Variants in DNAJC3 observed in about 807,000 individuals in gnomAD.
The protein encoded by DNAJC3 is DnaJ heat shock protein family (Hsp40) member C3, also known as dnaJ homolog subfamily C member 3.
In DNAJC3, 38 loss-of-function variants were observed where a neutral mutation model predicts 68.6. That is an observed-to-expected ratio of 0.55 (90% CI 0.43 to 0.73). DNAJC3 has a LOEUF of 0.73. Ranked by LOEUF, DNAJC3 falls within the 30% of genes least tolerant of loss-of-function variation. The pLI is 0.00. For missense variants in DNAJC3, 526 were observed against 591.9 expected (o/e 0.89, Z 1.16); for synonymous variants, 203 against 204.0 (o/e 1.00, Z 0.04).
intron 4 of DNAJC3, chr13:95,742,587 T>C (rs1185790097): frequency 2.1e-6 from 1 of 474,882 alleles, no homozygotes; most frequent in Non-Finnish European, 4.2e-6. Flanking sequence ...TGGGCTCTTA[T>C]CCCAGCCAAG....
chr13:95,715,562 A>G (rs1286257833), intron 2 of DNAJC3, among the ~76,000 whole-genome samples: 2 of 150,796 alleles, frequency 1.3e-5, no homozygotes, highest in African/African-American at 4.9e-5. Context: ...GCTCACTGCA[A>G]CCTCTGCCTC....
intron 2 of DNAJC3, among the ~76,000 whole-genome samples, chr13:95,718,841 C>T (rs1202783060): frequency 6.6e-6 from 1 of 152,180 alleles, no homozygotes; most frequent in Non-Finnish European, 1.5e-5. Flanking sequence ...GGGAATTTCT[C>T]TCCACCAAGT....
intron 1 of DNAJC3, among the ~76,000 whole-genome samples, chr13:95,696,080 A>C (rs1239265343): frequency 6.6e-6 from 1 of 152,220 alleles, no homozygotes; most frequent in Non-Finnish European, 1.5e-5. Context: ...ATGTACTAAC[A>C]ATCCCTTAAT....
chr13:95,718,942 C>G (rs953141514), intron 2 of DNAJC3, among the ~76,000 whole-genome samples: 1 of 152,118 alleles, frequency 6.6e-6, no homozygotes. Flanking sequence ...CCTAAGATCC[C>G]ACAGATTGAG....
At chr13:95,718,424 C>T (rs143949816) in intron 2 of DNAJC3, among the ~76,000 whole-genome samples, 15 of 152,320 alleles carry the variant, frequency 9.8e-5, no homozygotes, top group African/African-American at 3.6e-4. Flanking sequence ...AAAATTGAGA[C>T]GGAGTCTCGC....
chr13:95,756,793 C>T (rs1594009006), intron 4 of DNAJC3, among the ~76,000 whole-genome samples: 1 of 152,168 alleles, frequency 6.6e-6, no homozygotes, highest in Admixed American at 6.5e-5. Context: ...AAAAATGTAG[C>T]TACCTGGTTT....
chr13:95,752,299 A>G (rs983746384), intron 4 of DNAJC3, among the ~76,000 whole-genome samples: 1 of 152,236 alleles, frequency 6.6e-6, no homozygotes, highest in Non-Finnish European at 1.5e-5. Context: ...TAACTTAATG[A>G]AAAGTTACTA....
At chr13:95,719,953 G>C (rs1305165748) in intron 2 of DNAJC3, among the ~76,000 whole-genome samples, 1 of 151,954 alleles carries the variant, frequency 6.6e-6, no homozygotes, top group African/African-American at 2.4e-5. Flanking sequence ...TTGTTTTACT[G>C]TACTTTTTAG....
rs751686824 is a variant in DNAJC3, at chr13:95,760,706, C to A, written c.756C>A (p.Asp252Glu). Reference sequence around the variant, plus strand: ...AAGTTCGGGAATGTCTTAAACTTGACCAGGATCATAAAAGGTGTTTTGCAC... The same window carrying A: ...AAGTTCGGGAATGTCTTAAACTTGAACAGGATCATAAAAGGTGTTTTGCAC... ...LSEVRECLKL[D>E]QDHKRCFAHY... Residue 252 changes from aspartate to glutamate, a missense_variant, in exon 7 of 12, where the codon GAC becomes GAA. By Grantham distance (45) the Asp-to-Glu change is conservative (BLOSUM62 2). Transcript: ENST00000602402. 8.7e-6 allele frequency: 14 copies of A among 1,610,938 alleles called. No individual in the cohort carries two copies. Among genetic ancestry groups the A allele is most frequent in the Non-Finnish European group, 9.3e-6 (11 of 1,178,718 alleles).
intron 4 of DNAJC3, among the ~76,000 whole-genome samples, chr13:95,734,509 G>C (rs1881824909): frequency 6.6e-6 from 1 of 152,082 alleles, no homozygotes; most frequent in South Asian, 2.1e-4. Context: ...AGTCCTTTTT[G>C]AACTGTATCT....
chr13:95,760,553 A>G (rs1882791282), intron 6 of DNAJC3, 126 bp from the exon 7 acceptor site: 3 of 1,229,160 alleles, frequency 2.4e-6, no homozygotes, highest in Non-Finnish European at 3.3e-6. Context: ...ATAGTAAATT[A>G]TAAGTCTCAG....
chr13:95,715,234 A>G (rs1161819872), intron 2 of DNAJC3, among the ~76,000 whole-genome samples: 1 of 152,156 alleles, frequency 6.6e-6, no homozygotes, highest in Non-Finnish European at 1.5e-5. Flanking sequence ...CGTCTCTACA[A>G]AAGTAAAATA....
intron 4 of DNAJC3, among the ~76,000 whole-genome samples, chr13:95,756,257 T>G (rs1460098726): frequency 2.6e-5 from 4 of 152,146 alleles, no homozygotes; most frequent in Non-Finnish European, 4.4e-5. Context: ...ATCCGAAGTA[T>G]TCAAGACCAC....
chr13:95,784,769 A>C (rs1475342406), intron 9 of DNAJC3, among the ~76,000 whole-genome samples: 9 of 151,914 alleles, frequency 5.9e-5, no homozygotes, highest in Admixed American at 5.9e-4. Context: ...TGCTGTGTTG[A>C]CTCTCTTCTG....
At chr13:95,692,554 TC>T (rs1466917711) in intron 1 of DNAJC3, 3 of 152,116 alleles carry the variant, frequency 2.0e-5, no homozygotes, top group Non-Finnish European at 4.4e-5. Context: ...CCAACCCCAA[TC>T]TCAGCCCTAC....
chr13:95,740,319 T>A (rs1353435504), intron 4 of DNAJC3, among the ~76,000 whole-genome samples: 1 of 152,224 alleles, frequency 6.6e-6, no homozygotes, highest in Non-Finnish European at 1.5e-5. Flanking sequence ...CAGGCCTCCT[T>A]GAGCTGTGGT....
At chr13:95,775,622 A>T (rs1883271849) in intron 9 of DNAJC3, among the ~76,000 whole-genome samples, 1 of 152,178 alleles carries the variant, frequency 6.6e-6, no homozygotes, top group South Asian at 2.1e-4. Flanking sequence ...GTATACTTTT[A>T]TAATGTTTGT....
At chr13:95,723,419 G>A in intron 3 of DNAJC3, 53 bp downstream of exon 3, 3 of 1,573,784 alleles carry the variant, frequency 1.9e-6, no homozygotes, top group Non-Finnish European at 2.6e-6. Flanking sequence ...CTTGGGGAGA[G>A]ATAATTTGTT....
intron 4 of DNAJC3, among the ~76,000 whole-genome samples, chr13:95,733,518 A>T: frequency 6.6e-6 from 1 of 152,038 alleles, no homozygotes; most frequent in Non-Finnish European, 1.5e-5. Flanking sequence ...CAGCCTCCTG[A>T]GTAGCTGGGA....
Sources: gnomAD v4.1 joint callset for allele counts (sites outside exome capture counted in the v4.1 genomes callset) on GRCh38, gnomAD v4.1.1 for gene constraint, MANE v1.5 for transcripts, NCBI Gene and HGNC (gene_info 2026-07-23, HGNC 2026-07-21) for gene names.